KCNT1: variants seen among roughly 807,000 people sequenced by gnomAD.
The protein encoded by KCNT1 is potassium channel subfamily T member 1.
In KCNT1, 78 loss-of-function variants were observed where a neutral mutation model predicts 147.8. The observed-to-expected ratio is 0.53, with a 90% confidence interval of 0.44 to 0.64. The LOEUF (loss-of-function observed/expected upper bound fraction) is 0.64. Among genes scored for constraint, KCNT1 ranks in the 30% least tolerant of loss-of-function variants. The pLI, the probability that KCNT1 is intolerant of heterozygous loss-of-function variation, is 0.00. For synonymous variants in KCNT1, 867 were observed against 748.8 expected (o/e 1.16, Z -2.58); for missense variants, 1,419 against 1,750.3 (o/e 0.81, Z 3.38).
At chr9:135,729,499 C>G (rs763564393) in intron 2 of KCNT1, among the ~76,000 whole-genome samples, 1 of 152,240 alleles carries the variant, frequency 6.6e-6, no homozygotes, top group Admixed American at 6.5e-5. Context: ...CTCATGGGAC[C>G]CTCTGCAGAA....
intron 24 of KCNT1, among the ~76,000 whole-genome samples, chr9:135,782,648 C>T (rs1443057151): frequency 2.0e-5 from 3 of 152,214 alleles, no homozygotes; most frequent in African/African-American, 7.2e-5. Context: ...GGTCCTGAAA[C>T]GTCCAGCTTT....
At position 135,794,886 on chromosome 9, in the gene KCNT1, C is replaced by G. The variant is rs1267082292; in HGVS notation, c.*2725C>G. ...GCTCCCAGCCGTCCTCGTCCACCAT[C>G]ACTTCTCCCAGCCTCGTGTCCTGCT... On this transcript the variant is annotated 3_prime_UTR_variant, in exon 31 of 31. Transcript: ENST00000371757. The G allele has an allele frequency of 6.6e-6, 1 of 152,254 alleles. No homozygotes were observed. The highest frequency in any genetic ancestry group is 2.1e-4 in the South Asian group (1 of 4,826). 9.4% of individuals were successfully genotyped at this position (152,254 alleles called of 1,614,324 possible).
intron 2 of KCNT1, among the ~76,000 whole-genome samples, chr9:135,717,029 G>A (rs1234672477): frequency 1.3e-5 from 2 of 151,838 alleles, no homozygotes; most frequent in Non-Finnish European, 2.9e-5. Context: ...GACGGGAGGG[G>A]ACCTGGCCCC....
intron 24 of KCNT1, among the ~76,000 whole-genome samples, chr9:135,783,761 C>T (rs550848542): frequency 1.3e-5 from 2 of 152,372 alleles, no homozygotes; most frequent in East Asian, 3.9e-4. Context: ...CGGGAGTCCA[C>T]CTTCTCATCA....
At position 135,770,354 on chromosome 9, in the gene KCNT1, A is replaced by G; in HGVS notation, c.1676A>G (p.Asn559Ser). The G allele has an allele frequency of 6.2e-7, 1 of 1,613,008 alleles. No homozygotes were observed. The highest frequency in any genetic ancestry group is 1.1e-5 in the South Asian group (1 of 91,056). The change falls in exon 17 of 31, where the codon AAC becomes AGC. Residue 559 changes from asparagine to serine, a missense_variant. By Grantham distance (46) the Asn-to-Ser change is conservative. This residue lies in a region of KCNT1 where 284 missense variants were observed against 292.8 expected (regional missense o/e 0.97). Transcript: ENST00000371757. ...WQRMYGRCSG[N>S]EVYHIRMGDS... ...CGCATGTATGGGCGCTGCTCCGGCAACGAGGTGTACCACATCCGCATGGGT... is the reference window on the plus strand; with the variant it reads ...CGCATGTATGGGCGCTGCTCCGGCAGCGAGGTGTACCACATCCGCATGGGT...
chr9:135,740,360 AC>A (rs1225626763), intron 2 of KCNT1, among the ~76,000 whole-genome samples: 5 of 152,142 alleles, frequency 3.3e-5, no homozygotes, highest in East Asian at 1.9e-4. Context: ...CAAGCAGGGA[AC>A]CCCCTCTTCC....
intron 2 of KCNT1, among the ~76,000 whole-genome samples, chr9:135,744,493 T>C (rs1830714671): frequency 6.6e-6 from 1 of 152,156 alleles, no homozygotes; most frequent in Admixed American, 6.5e-5. Context: ...AGCCGCCACC[T>C]GGGGACAGAC....
chr9:135,766,033 G>A (rs993718211), intron 13 of KCNT1, among the ~76,000 whole-genome samples: 5 of 151,544 alleles, frequency 3.3e-5, no homozygotes, highest in African/African-American at 9.7e-5. Flanking sequence ...CATCTGGAGT[G>A]AACTGTCAAG....
intron 2 of KCNT1, among the ~76,000 whole-genome samples, chr9:135,740,159 G>A (rs532311905): frequency 4.6e-5 from 7 of 152,222 alleles, no homozygotes; most frequent in South Asian, 4.2e-4. Flanking sequence ...CTTAATGACC[G>A]CTTTAAAGGC....
intron 2 of KCNT1, among the ~76,000 whole-genome samples, chr9:135,729,378 T>C (rs987669052): frequency 6.6e-6 from 1 of 152,356 alleles, no homozygotes; most frequent in Admixed American, 6.5e-5. Flanking sequence ...AAGGGGGTCC[T>C]CTGTCCCACT....
chr9:135,768,364 T>TG, intron 13 of KCNT1: 1 of 138,644 alleles, frequency 7.2e-6, no homozygotes, highest in Non-Finnish European at 1.2e-5. Flanking sequence ...GGGGGCAGTA[T>TG]GGGGATGCCC....
intron 2 of KCNT1, chr9:135,742,936 G>A (rs907564417): frequency 1.9e-5 from 13 of 669,828 alleles, no homozygotes; most frequent in Admixed American, 4.4e-5. Context: ...CAGGGCCACC[G>A]GCACCTCCCA....
intron 19 of KCNT1, among the ~76,000 whole-genome samples, chr9:135,774,103 CGT>C (rs35001757): frequency 0.2 from 30,397 of 148,658 alleles, 3,271 homozygotes; most frequent in African/African-American, 0.27. Context: ...TGTGTGTCAA[CGT>C]GTGTTTGTCA....
rs534373775 is a variant in KCNT1 at position 135,772,231 on chromosome 9, A to G, written c.2009-484A>G. On this transcript the variant is annotated intron_variant, in intron 18 of 30. Transcript: ENST00000371757. ...GGGTGACTCGGGCAACCCTCACTGT[A>G]CCCACAGAGGCCCTGGGCCATACCT... is the stretch of plus-strand genomic sequence containing the variant. Among the ~76,000 whole-genome samples, 54 of 152,122 alleles carry G rather than the reference A, an allele frequency of 3.5e-4. 1 individual carries two copies. In the South Asian group the frequency reaches 0.011, roughly 31 times the overall value.
At chr9:135,748,319 G>A (rs965523686) in intron 2 of KCNT1, among the ~76,000 whole-genome samples, 8 of 122,256 alleles carry the variant, frequency 6.5e-5, no homozygotes, top group Non-Finnish European at 1.1e-4. Context: ...GGCCCCTCCC[G>A]CCCGCCCCAC....
intron 2 of KCNT1, among the ~76,000 whole-genome samples, chr9:135,742,981 G>A (rs1830643157): frequency 6.6e-6 from 1 of 152,136 alleles, no homozygotes; most frequent in African/African-American, 2.4e-5. Flanking sequence ...CAGGTGCTGG[G>A]GCTGGAGACA....
chr9:135,763,606 G>A (rs1465628733), intron 11 of KCNT1, among the ~76,000 whole-genome samples: 11 of 152,156 alleles, frequency 7.2e-5, no homozygotes. Context: ...CGCAATCCCT[G>A]GGGCTGCTTC....
intron 2 of KCNT1, among the ~76,000 whole-genome samples, chr9:135,732,768 CTCTCTCTCAT>C (rs1233476453): frequency 6.6e-6 from 1 of 151,602 alleles, no homozygotes; most frequent in African/African-American, 2.4e-5. Context: ...CTCTCTCTCT[CTCTCTCTCAT>C]TCTCTCTCTC....
intron 20 of KCNT1, among the ~76,000 whole-genome samples, chr9:135,775,897 C>T (rs1588377376): frequency 6.6e-6 from 1 of 152,182 alleles, no homozygotes; most frequent in Admixed American, 6.5e-5. Flanking sequence ...CTTAGCAACT[C>T]CTTTCTCGTT....
Sources: allele counts gnomAD v4.1 joint callset (sites outside exome capture counted in the v4.1 genomes callset), GRCh38; gene constraint gnomAD v4.1.1; regional missense constraint gnomAD v4.1.1; transcripts MANE v1.5; gene names NCBI Gene and HGNC (gene_info 2026-07-23, HGNC 2026-07-21).